Variants in SLC45A3 observed in about 807,000 individuals in gnomAD.
SLC45A3 encodes prostate cancer associated protein 2.
In SLC45A3, 17 loss-of-function variants were observed where a neutral mutation model predicts 35.3. The ratio of observed to expected loss-of-function variants is 0.48; its 90% CI spans 0.33 to 0.72. The LOEUF (loss-of-function observed/expected upper bound fraction) is 0.72. Among genes scored for constraint, SLC45A3 ranks in the 30% least tolerant of loss-of-function variants. SLC45A3 has a pLI of 0.02. For missense variants in SLC45A3, 597 were observed against 731.7 expected (o/e 0.82, Z 2.12); for synonymous variants, 288 against 334.3 (o/e 0.86, Z 1.51).
intron 2 of SLC45A3, among the ~76,000 whole-genome samples, chr1:205,663,943 G>T (rs1008377293): frequency 2.0e-5 from 3 of 152,136 alleles, no homozygotes; most frequent in Non-Finnish European, 4.4e-5. Flanking sequence ...CTGGGGGTGA[G>T]GGGTTGTCAC....
rs1671080424 is a variant in SLC45A3, at chr1:205,664,333, C to T, written c.172+152G>A. On this transcript the variant is annotated intron_variant, in intron 2 of 4. Transcript: ENST00000367145. This position sits in a 1 kb window ranked among gnomAD's most constrained non-coding sequence, Gnocchi z 5.3. ...GTATTCTCTTCTTTCTCTTGGTGTG[C>T]CCCCTCAGCCCAGGGTCACCCTCCT... 3.2e-6 allele frequency: 3 copies of T among 946,186 alleles called. No individual in the cohort carries two copies. In the Admixed American group the frequency reaches 7.3e-5, roughly 23 times the overall value. The allele number at this position is 946,186 out of a possible 1,614,324, so 58.6% of individuals were successfully genotyped here.
chr1:205,668,665 G>A (rs919142999), intron 1 of SLC45A3, among the ~76,000 whole-genome samples: 5 of 152,124 alleles, frequency 3.3e-5, no homozygotes, highest in Non-Finnish European at 7.4e-5. Flanking sequence ...GCCTCAGAGC[G>A]TTCACCTGGC....
chr1:205,664,836 C>A lies in SLC45A3; in HGVS notation c.-180G>T, dbSNP rs1291253429. On this transcript the variant is annotated 5_prime_UTR_variant, in exon 2 of 5. Transcript: ENST00000367145. This position sits in a 1 kb window ranked among gnomAD's most constrained non-coding sequence, Gnocchi z 5.3. ...GTCCAGCTTCTCAGCCCATGCTCAACACCTGCTGCTGTGGGGCACCTCAGT... is the reference window on the plus strand; with the variant it reads ...GTCCAGCTTCTCAGCCCATGCTCAAAACCTGCTGCTGTGGGGCACCTCAGT... The A allele has an allele frequency of 7.0e-7, 1 of 1,427,016 alleles. No homozygotes were observed. Among genetic ancestry groups the A allele is most frequent in the Admixed American group, 2.9e-5 (1 of 34,722 alleles). 88.4% of individuals were successfully genotyped at this position (1,427,016 alleles called of 1,614,324 possible). A position where few individuals can be genotyped will look rare whatever the true frequency, so the allele number is the denominator to read the frequency against.
rs893790331 is a variant in SLC45A3 at position 205,664,339 on chromosome 1, C to T, written c.172+146G>A. 7 of 1,033,092 alleles carry T rather than the reference C, an allele frequency of 6.8e-6. No homozygotes were observed. The African/African-American group carries it at 1.1e-4, about 17-fold the overall frequency. The allele number at this position is 1,033,092 out of a possible 1,614,324, so 64.0% of individuals were successfully genotyped here. A position where few individuals can be genotyped will look rare whatever the true frequency, so the allele number is the denominator to read the frequency against. ...TCTTCTTTCTCTTGGTGTGCCCCCT[C>T]AGCCCAGGGTCACCCTCCTGCCCAG... On this transcript the variant is annotated intron_variant, in intron 2 of 4. Coordinates refer to ENST00000367145, the MANE Select transcript of SLC45A3 (RefSeq NM_033102.3). This position sits in a 1 kb window ranked among gnomAD's most constrained non-coding sequence, Gnocchi z 5.3.
At chr1:205,672,783 T>C (rs1274098716) in intron 1 of SLC45A3, among the ~76,000 whole-genome samples, 1 of 152,158 alleles carries the variant, frequency 6.6e-6, no homozygotes, top group African/African-American at 2.4e-5. Context: ...TTTCTACACC[T>C]GTAAAATGAG....
Position 205,664,429 on chromosome 1 carries a change from C to G in SLC45A3, c.172+56G>C. On this transcript the variant is annotated intron_variant, in intron 2 of 4. Transcript: ENST00000367145. This position sits in a 1 kb window ranked among gnomAD's most constrained non-coding sequence, Gnocchi z 5.3. Reference sequence around the variant, plus strand: ...TCCCAGGGCAGAGGTACTCCTGTCCCACATGCCAGGTGGCATGTATCTGGA... The same window carrying G: ...TCCCAGGGCAGAGGTACTCCTGTCCGACATGCCAGGTGGCATGTATCTGGA... 6.3e-7 allele frequency: 1 copy of G among 1,593,996 alleles called. No individual in the cohort carries two copies. The highest frequency in any genetic ancestry group is 1.3e-5 in the African/African-American group (1 of 74,782).
chr1:205,671,654 G>A (rs1371349405), intron 1 of SLC45A3, among the ~76,000 whole-genome samples: 1 of 152,188 alleles, frequency 6.6e-6, no homozygotes, highest in Admixed American at 6.5e-5. Context: ...AGGTCAAGAA[G>A]TTTGACACCA....
chr1:205,675,368 C>T (rs1371963292), intron 1 of SLC45A3, among the ~76,000 whole-genome samples: 2 of 152,022 alleles, frequency 1.3e-5, no homozygotes, highest in Non-Finnish European at 1.5e-5. Context: ...AAGAGGGATT[C>T]GCTTTGGCCT....
intron 1 of SLC45A3, among the ~76,000 whole-genome samples, chr1:205,676,649 G>C (rs1476854514): frequency 6.6e-6 from 1 of 152,174 alleles, no homozygotes; most frequent in East Asian, 1.9e-4. Flanking sequence ...AAGTCAGTCA[G>C]GGCTGGTGGC....
chr1:205,659,989 A>G lies in SLC45A3; in HGVS notation c.1225-318T>C, dbSNP rs574488954. Among the ~76,000 whole-genome samples the G allele has an allele frequency of 2.6e-5, 4 of 152,308 alleles. No homozygotes were observed. In the East Asian group the frequency reaches 7.7e-4, roughly 29 times the overall value. On this transcript the variant is annotated intron_variant, in intron 4 of 4. Transcript: ENST00000367145. The surrounding 1 kb of genome is among the most constrained non-coding windows in gnomAD (Gnocchi z 5.8). Reference sequence around the variant, plus strand: ...TCAGAGAGAACAGAGCTCCAAGGTAAGGAAAAGACACAGGGGGAATGAAGA... The same window carrying G: ...TCAGAGAGAACAGAGCTCCAAGGTAGGGAAAAGACACAGGGGGAATGAAGA...
chr1:205,662,434 A>G lies in SLC45A3; in HGVS notation c.959-308T>C. 7.5e-7 allele frequency: 1 copy of G among 1,334,298 alleles called. No homozygotes were observed. The highest frequency in any genetic ancestry group is 2.0e-5 in the South Asian group (1 of 49,122). 82.7% of individuals were successfully genotyped at this position (1,334,298 alleles called of 1,614,324 possible). On this transcript the variant is annotated intron_variant, in intron 3 of 4. Transcript: ENST00000367145. This position sits in a 1 kb window ranked among gnomAD's most constrained non-coding sequence, Gnocchi z 6.2. ...ACAAAGACAGCTGGCCATAGGCTTC[A>G]AGACGCTTCTAGGACGCCTGAGCTG...
chr1:205,673,756 A>G (rs1671254318), intron 1 of SLC45A3, among the ~76,000 whole-genome samples: 1 of 152,234 alleles, frequency 6.6e-6, no homozygotes, highest in Non-Finnish European at 1.5e-5. Context: ...GTACTCTGCA[A>G]GTGTGTTCTC....
chr1:205,659,278 G>A lies in SLC45A3; in HGVS notation c.1618C>T (p.Gln540Ter). ...AAGTCGCTCTTGTCAAATACTACCT[G>A]TGTAGCAAAGTAAATGGCGACCAGA... ...LGLVAIYFAT[Q>*]VVFDKSDLAK... Residue 540 changes from glutamine (Q) to a stop codon, truncating the protein, a stop_gained, in exon 5 of 5, where the codon CAG (glutamine) becomes TAG (stop). Coordinates refer to ENST00000367145, the MANE Select transcript of SLC45A3 (RefSeq NM_033102.3). LOFTEE classifies it high-confidence loss of function. This position sits in a 1 kb window ranked among gnomAD's most constrained non-coding sequence, Gnocchi z 5.8. 6.2e-7 allele frequency: 1 copy of A among 1,614,110 alleles called. No homozygotes were observed. Among genetic ancestry groups the A allele is most frequent in the Non-Finnish European group, 8.5e-7 (1 of 1,179,992 alleles).
In SLC45A3 at chr1:205,663,575, G is replaced by A. The variant is rs1040542983; in HGVS notation, c.216C>T (p.Gly72=). Residue 72 remains glycine (G), a synonymous_variant, in exon 3 of 5, where the codon GGC becomes GGT. Coordinates refer to ENST00000367145, the MANE Select transcript of SLC45A3 (RefSeq NM_033102.3). The part of the protein sequence containing the change: ...VLGLVCVPLL[G]SASDHWRGRY... ...GTCCACGCCAGTGGTCACTGGCTGA[G>A]CCTAGGAGCGGGACACAGACCAGGC... 23 of 1,609,966 alleles carry A rather than the reference G, an allele frequency of 1.4e-5. No individual in the cohort carries two copies. The highest frequency in any genetic ancestry group is 8.4e-5 in the Admixed American group (5 of 59,764).
rs1015751313 is a variant in SLC45A3 at position 205,666,306 on chromosome 1, G to A, written c.-230-1420C>T. ...GAGGATCACTTCAGCCTGGGAGTTTGAGACCAGCCTGGGCAACACAGCGAG... is the reference window on the plus strand; with the variant it reads ...GAGGATCACTTCAGCCTGGGAGTTTAAGACCAGCCTGGGCAACACAGCGAG... On this transcript the variant is annotated intron_variant, in intron 1 of 4. Coordinates refer to ENST00000367145, the MANE Select transcript of SLC45A3 (RefSeq NM_033102.3). This position sits in a 1 kb window ranked among gnomAD's most constrained non-coding sequence, Gnocchi z 4.1. Among the ~76,000 whole-genome samples the A allele has an allele frequency of 1.3e-5, 2 of 151,752 alleles. No individual in the cohort carries two copies. Among genetic ancestry groups the A allele is most frequent in the Admixed American group, 1.3e-4 (2 of 15,240 alleles).
chr1:205,670,108 C>T (rs1178925587), intron 1 of SLC45A3, among the ~76,000 whole-genome samples: 1 of 152,132 alleles, frequency 6.6e-6, no homozygotes, highest in Non-Finnish European at 1.5e-5. Flanking sequence ...TCCCCACGAG[C>T]CCCACCCTCA....
Position 205,659,480 on chromosome 1 carries a change from CACACGT to C in SLC45A3, c.1410_1415del (p.Arg471_Val472del). The stretch of plus-strand genomic sequence containing the variant: ...TGGCCTCGGTGGGCTCACCCACCAC[CACACGT>C]ACGGAGACATCACAGGCAGAGGCCC... On this transcript the variant is annotated inframe_deletion, in exon 5 of 5. Transcript: ENST00000367145. The surrounding 1 kb of genome is among the most constrained non-coding windows in gnomAD (Gnocchi z 5.8). 6.2e-7 allele frequency: 1 copy of C among 1,613,960 alleles called. No homozygotes were observed. The highest frequency in any genetic ancestry group is 8.5e-7 in the Non-Finnish European group (1 of 1,179,940).
rs548833685 is a variant in SLC45A3 at position 205,661,917 on chromosome 1, A to G, written c.1168T>C (p.Ser390Pro). The G allele has an allele frequency of 8.7e-6, 14 of 1,614,192 alleles. No individual in the cohort carries two copies. The East Asian group carries it at 3.1e-4, about 36-fold the overall frequency. ...GTGTAGGGCAGGATCTGCAGGGCTG[A>G]GAAGGTGAACCCGGTGAGGGCGGCT... Reference protein sequence around the residue: ...ASAALTGFTFSALQILPYTLA... With the variant: ...ASAALTGFTFPALQILPYTLA... Residue 390 changes from serine (S) to proline (P), a missense_variant, in exon 4 of 5, where the codon TCA becomes CCA. Coordinates refer to ENST00000367145, the MANE Select transcript of SLC45A3 (RefSeq NM_033102.3).
rs371636528 is a variant in SLC45A3 at position 205,663,546 on chromosome 1, T to C, written c.245A>G (p.Tyr82Cys). ...GSASDHWRGR[Y>C]GRRRPFIWAL... ...CCAGATGAAGGGCCGGCGGCGGCCA[T>C]AGCGTCCACGCCAGTGGTCACTGGC... The change falls in exon 3 of 5, where the codon TAT becomes TGT. Residue 82 changes from tyrosine (Y) to cysteine (C), a missense_variant. Physicochemically the swap from Tyr to Cys is radical, Grantham distance 194. Around this residue, in one of 3 missense-constraint regions of SLC45A3, gnomAD observed 555 missense variants for 664.9 expected, o/e 0.83. Coordinates refer to ENST00000367145, the MANE Select transcript of SLC45A3 (RefSeq NM_033102.3). 92 of 1,612,616 alleles carry C rather than the reference T, an allele frequency of 5.7e-5. No homozygotes were observed. Among genetic ancestry groups the C allele is most frequent in the Admixed American group, 1.3e-4 (8 of 60,006 alleles).
Sources: gnomAD v4.1 joint callset for allele counts (sites outside exome capture counted in the v4.1 genomes callset) on GRCh38, gnomAD v4.1.1 for gene constraint, gnomAD v4.1.1 regional missense constraint, Gnocchi (gnomAD v3.1) non-coding constraint, MANE v1.5 for transcripts, NCBI Gene and HGNC (gene_info 2026-07-23, HGNC 2026-07-21) for gene names.